The following RHBDF1 variants were observed in gnomAD, a reference collection of about 807,000 sequenced individuals.
The protein encoded by RHBDF1 is rhomboid 5 homolog 1, also known as inactive rhomboid protein 1.
A neutral mutation model predicts 98.6 loss-of-function variants in RHBDF1; 80 were observed. The ratio of observed to expected loss-of-function variants is 0.81; its 90% CI spans 0.68 to 0.98. The LOEUF (loss-of-function observed/expected upper bound fraction) is 0.98, where lower values mean the gene tolerates loss of function less well. RHBDF1 is among the 50% of genes least tolerant of loss of function. RHBDF1 has a pLI of 0.00. For synonymous variants in RHBDF1, 512 were observed against 486.8 expected, an observed-to-expected ratio of 1.05 and a Z score of -0.68; for missense variants, 1,116 against 1,198.3, an observed-to-expected ratio of 0.93 and a Z score of 1.01.
In RHBDF1 at chr16:62,826, C is replaced by A. The variant is rs753245448; in HGVS notation, c.744G>T (p.Glu248Asp). The A allele has an allele frequency of 5.0e-6, 8 of 1,613,932 alleles. No individual in the cohort carries two copies. In the African/African-American group the frequency reaches 1.1e-4, roughly 22 times the overall value. The change falls in exon 6 of 18, where the codon GAG (glutamate) becomes GAT (aspartate). Residue 248 changes from glutamate (E) to aspartate (D), a missense_variant. Glu to Asp is a conservative substitution (Grantham distance 45). Coordinates refer to ENST00000262316, the MANE Select transcript of RHBDF1 (RefSeq NM_022450.5). ...CATCGGGGAAATCAGTTGTGTCCTC[C>A]TCCAGAAAGCTAGCTGGAGTGAAGC... Reference protein sequence around the residue: ...RRSFTPASFLEEDTTDFPDEL... With the variant: ...RRSFTPASFLDEDTTDFPDEL...
At chr16:59,948 G>A in intron 13 of RHBDF1, 122 bp from the exon 14 acceptor site, 3 of 1,524,336 alleles carry the variant, frequency 2.0e-6, no homozygotes, top group Non-Finnish European at 1.8e-6. Flanking sequence ...TGGCTTCCTT[G>A]ACTTCAAGCA....
At chr16:74,656 T>A (rs993520691), upstream of RHBDF1, 2 of 152,168 alleles carry the variant, frequency 1.3e-5, no homozygotes, top group Non-Finnish European at 2.9e-5. Context: ...GATACACGTG[T>A]GCTCAGTGTC....
At chr16:66,619 C>A (rs1897836556) in intron 1 of RHBDF1, among the ~76,000 whole-genome samples, 1 of 152,152 alleles carries the variant, frequency 6.6e-6, no homozygotes, top group African/African-American at 2.4e-5. Context: ...TGGCTCTTAC[C>A]CCACCCCTCA....
chr16:62,472 C>T, intron 7 of RHBDF1, 66 bp downstream of exon 7: 3 of 1,572,416 alleles, frequency 1.9e-6, no homozygotes, highest in Non-Finnish European at 2.6e-6. Flanking sequence ...TGCCGATACT[C>T]GCCCAGCTGT....
At chr16:64,323 T>A in intron 3 of RHBDF1, 1 of 1,346,286 alleles carries the variant, frequency 7.4e-7, no homozygotes, top group Non-Finnish European at 9.8e-7. Flanking sequence ...TCATGACCTG[T>A]ATGAGATACC....
At position 58,353 on chromosome 16, in the gene RHBDF1, G is replaced by C; in HGVS notation, c.2555C>G (p.Ala852Gly). The C allele has an allele frequency of 6.2e-7, 1 of 1,611,404 alleles. No homozygotes were observed. Among genetic ancestry groups the C allele is most frequent in the Non-Finnish European group, 8.5e-7 (1 of 1,178,722 alleles). Reference sequence around the variant, plus strand: ...CCCGCAGCCAGCTCAGTGGAGCTGAGCGTCCAGTTCGTACTTCTCACAGAA... The same window carrying C: ...CCCGCAGCCAGCTCAGTGGAGCTGACCGTCCAGTTCGTACTTCTCACAGAA... ...DKFCEKYELD[A>G]QLH Residue 852 changes from alanine to glycine, a missense_variant, in exon 18 of 18, where the codon GCT (alanine) becomes GGT (glycine). Ala to Gly is a moderately conservative substitution (Grantham distance 60). Transcript: ENST00000262316.
chr16:60,574 G>A (rs1897573094), intron 11 of RHBDF1, 35 bp from the exon 12 acceptor site: 1 of 1,560,768 alleles, frequency 6.4e-7, no homozygotes, highest in African/African-American at 1.3e-5. Flanking sequence ...GGTCCAGTTG[G>A]GTCAGGGCAA....
intron 3 of RHBDF1, 62 bp from the exon 4 acceptor site, chr16:63,862 A>G: frequency 7.0e-7 from 1 of 1,420,712 alleles, no homozygotes; most frequent in Non-Finnish European, 9.7e-7. Flanking sequence ...GGGGACTTCA[A>G]AGGCCCTCCT....
At position 58,316 on chromosome 16, in the gene RHBDF1, C is replaced by T. The variant is rs773517968; in HGVS notation, c.*24G>A. 58 of 1,594,242 alleles carry T rather than the reference C, an allele frequency of 3.6e-5. No homozygotes were observed. The highest frequency in any genetic ancestry group is 2.7e-4 in the South Asian group (24 of 88,904). On this transcript the variant is annotated 3_prime_UTR_variant, in exon 18 of 18. Transcript: ENST00000262316. Reference sequence around the variant, plus strand: ...TCTGGCTCTGGCCTGCTGGAGCACACGGCCGCTGGAGCCCGCAGCCAGCTC... The same window carrying T: ...TCTGGCTCTGGCCTGCTGGAGCACATGGCCGCTGGAGCCCGCAGCCAGCTC...
chr16:64,567 T>C (rs1284161332), intron 3 of RHBDF1, 132 bp downstream of exon 3: 5 of 1,543,576 alleles, frequency 3.2e-6, no homozygotes, highest in Non-Finnish European at 4.4e-6. Flanking sequence ...GGCAAGGGGA[T>C]GGTGGGGACC....
Position 58,178 on chromosome 16 carries a change from G to A in RHBDF1, c.*162C>T, listed in dbSNP as rs979451055. 1 of 643,282 alleles carries A rather than the reference G, an allele frequency of 1.6e-6. No individual in the cohort carries two copies. Among genetic ancestry groups the A allele is most frequent in the Non-Finnish European group, 2.6e-6 (1 of 377,382 alleles). 39.8% of individuals were successfully genotyped at this position (643,282 alleles called of 1,614,324 possible). ...TATAATAAATGCCCGGCAGTACGAG[G>A]GGTTCAACAGAAGTGAACAAGGCAC... On this transcript the variant is annotated 3_prime_UTR_variant, in exon 18 of 18. Coordinates refer to ENST00000262316, the MANE Select transcript of RHBDF1 (RefSeq NM_022450.5).
In RHBDF1 at chr16:62,028, C is replaced by T; in HGVS notation, c.978G>A (p.Lys326=). The T allele has an allele frequency of 6.6e-7, 1 of 1,512,492 alleles. No individual in the cohort carries two copies. Among genetic ancestry groups the T allele is most frequent in the African/African-American group, 1.4e-5 (1 of 72,728 alleles). 93.7% of individuals were successfully genotyped at this position (1,512,492 alleles called of 1,614,324 possible). ...GCGGGGCTGCGGCGCCCTCCTTCTG[C>T]TTCCGCCAGCCTCGCTCCAAGGGCC... ...LMLPLERGWR[K]QKEGAAAPQP... Residue 326 remains lysine (K), a synonymous_variant, in exon 8 of 18, where the codon AAG becomes AAA. Transcript: ENST00000262316.
rs1897641524 is a variant in RHBDF1 at position 61,889 on chromosome 16, G to A, written c.1117C>T (p.Leu373=). ...LFAREKRPYG[L]GMVGRLTNRT... ...TTGGTGAGCCGTCCCACCATGCCCA[G>A]CCCATACGGCCGCTTCTCCCGGGCG... The change falls in exon 8 of 18, where the codon CTG becomes TTG. Residue 373 remains leucine, a synonymous_variant. Transcript: ENST00000262316. The A allele has an allele frequency of 3.7e-6, 6 of 1,607,814 alleles. No homozygotes were observed. The highest frequency in any genetic ancestry group is 2.7e-5 in the African/African-American group (2 of 74,912).
chr16:70,189 G>A (rs1016712065), intron 1 of RHBDF1, among the ~76,000 whole-genome samples: 3 of 152,228 alleles, frequency 2.0e-5, no homozygotes, highest in African/African-American at 7.2e-5. Flanking sequence ...AAAGGGGATG[G>A]CAGCAAGGAC....
intron 11 of RHBDF1, chr16:60,743 A>C (rs954254549): frequency 1.0e-5 from 6 of 585,646 alleles, no homozygotes; most frequent in Non-Finnish European, 1.8e-5. Flanking sequence ...AATCAGAAAC[A>C]ACCTCTGTGT....
Position 60,468 on chromosome 16 carries a change from C to G in RHBDF1, c.1629G>C (p.Gln543His). Residue 543 changes from glutamine to histidine, a missense_variant, in exon 12 of 18, where the codon CAG becomes CAC. Gln to His is a conservative substitution (Grantham distance 24). Coordinates refer to ENST00000262316, the MANE Select transcript of RHBDF1 (RefSeq NM_022450.5). The part of the protein sequence containing the change: ...SAPELAGHKR[Q>H]FGSVCHQDPR... ...GATCCTGGTGGCAGACAGAGCCAAA[C>G]TGTCTCTTGTGGCCCGCAAGCTCTG... 1 of 1,612,322 alleles carries G rather than the reference C, an allele frequency of 6.2e-7. No homozygotes were observed. The highest frequency in any genetic ancestry group is 8.5e-7 in the Non-Finnish European group (1 of 1,179,996).
intron 1 of RHBDF1, among the ~76,000 whole-genome samples, chr16:71,989 C>T (rs1015946927): frequency 3.3e-5 from 5 of 152,242 alleles, no homozygotes; most frequent in Non-Finnish European, 5.9e-5. Context: ...CAGTCCCCCA[C>T]CCCCAGCTCC....
chr16:61,478 G>T lies in RHBDF1; in HGVS notation c.1321-19C>A. 2 of 1,612,368 alleles carry T rather than the reference G, an allele frequency of 1.2e-6. No homozygotes were observed. ...GCAGCACCTGGGAGGTTGGGGAGCG[G>T]GATCAGACGGGCCCCGACTCTGGCC... On this transcript the variant is annotated intron_variant, in intron 9 of 17. Transcript: ENST00000262316.
At position 59,264 on chromosome 16, in the gene RHBDF1, A is replaced by C. The variant is rs753145492; in HGVS notation, c.1979T>G (p.Leu660Arg). The change falls in exon 16 of 18, where the codon CTC becomes CGC. Residue 660 changes from leucine (L) to arginine (R), a missense_variant. Leu to Arg is a moderately radical substitution (Grantham distance 102, BLOSUM62 -2). Transcript: ENST00000262316. ...TGTCACTTGCCCGGCGTGCAGGAAGAGGGATAGCCACAGGCGGTAGAACTG... is the reference window on the plus strand; with the variant it reads ...TGTCACTTGCCCGGCGTGCAGGAAGCGGGATAGCCACAGGCGGTAGAACTG... ...PDQFYRLWLS[L>R]FLHAGILHCL... 6.2e-7 allele frequency: 1 copy of C among 1,605,690 alleles called. No individual in the cohort carries two copies. Among genetic ancestry groups the C allele is most frequent in the South Asian group, 1.1e-5 (1 of 89,740 alleles).
Sources: gnomAD v4.1 joint callset for allele counts (sites outside exome capture counted in the v4.1 genomes callset) on GRCh38, gnomAD v4.1.1 for gene constraint, MANE v1.5 for transcripts, NCBI Gene and HGNC (gene_info 2026-07-23, HGNC 2026-07-21) for gene names.